Variants in GARNL3 observed in about 807,000 individuals in gnomAD.
GARNL3 encodes GTPase-activating Rap/Ran-GAP domain-like protein 3.
GARNL3 carries 63 observed loss-of-function variants against 125.0 expected under a neutral mutation model. The ratio of observed to expected loss-of-function variants is 0.50; its 90% CI spans 0.41 to 0.62. The LOEUF (loss-of-function observed/expected upper bound fraction) is 0.62, where lower values mean the gene tolerates loss of function less well. Ranked by LOEUF, GARNL3 falls within the 20% of genes least tolerant of loss-of-function variation. GARNL3 has a pLI of 0.00. For missense variants in GARNL3, 994 were observed against 1,244.0 expected (o/e 0.80, Z 3.02); for synonymous variants, 439 against 457.5 (o/e 0.96, Z 0.52).
chr9:127,325,579 T>C (rs1477416256), intron 7 of GARNL3, among the ~76,000 whole-genome samples: 1 of 152,230 alleles, frequency 6.6e-6, no homozygotes, highest in Non-Finnish European at 1.5e-5. Context: ...ATGGTTTATG[T>C]ATCTTATCCC....
At chr9:127,390,563 C>T in intron 26 of GARNL3, 78 bp from the exon 27 acceptor site, 1 of 1,391,954 alleles carries the variant, frequency 7.2e-7, no homozygotes, top group Non-Finnish European at 9.9e-7. Flanking sequence ...AGTTCCCAAC[C>T]AAGAAAAAAT....
chr9:127,302,934 G>A (rs556990297), intron 2 of GARNL3, among the ~76,000 whole-genome samples: 1 of 152,228 alleles, frequency 6.6e-6, no homozygotes, highest in Non-Finnish European at 1.5e-5. Flanking sequence ...GGTGGATCAC[G>A]AGGTCAGGAG....
intron 1 of GARNL3, among the ~76,000 whole-genome samples, chr9:127,236,491 C>T (rs1353485430): frequency 6.6e-6 from 1 of 152,198 alleles, no homozygotes; most frequent in Non-Finnish European, 1.5e-5. Flanking sequence ...CTAGACCAGA[C>T]AGTCCGGAGC....
intron 1 of GARNL3, among the ~76,000 whole-genome samples, chr9:127,271,409 T>G (rs948418917): frequency 1.3e-5 from 2 of 150,360 alleles, no homozygotes; most frequent in Non-Finnish European, 2.9e-5. Flanking sequence ...GAGAGTGGCC[T>G]AACCCATCAA....
At chr9:127,233,012 C>T (rs2063046950) in intron 1 of GARNL3, among the ~76,000 whole-genome samples, 1 of 152,084 alleles carries the variant, frequency 6.6e-6, no homozygotes, top group Non-Finnish European at 1.5e-5. Flanking sequence ...ATGATTATAC[C>T]ACTGCACTCC....
rs1050540108 is a variant in GARNL3 at position 127,382,469 on chromosome 9, G to C, written c.2162-969G>C. The stretch of plus-strand genomic sequence containing the variant: ...CTCTACTGAAAAAAAAAAATTAGCT[G>C]GGTGTGCTGGTGTGCACCTGTAGCC... On this transcript the variant is annotated intron_variant, in intron 22 of 27. Coordinates refer to ENST00000373387, the MANE Select transcript of GARNL3 (RefSeq NM_032293.5). 2.0e-5 allele frequency among the ~76,000 whole-genome samples: 3 copies of C among 151,956 alleles called. No homozygotes were observed. In the East Asian group the frequency reaches 5.8e-4, roughly 29 times the overall value.
At position 127,387,277 on chromosome 9, in the gene GARNL3, C is replaced by T. The variant is rs1279497677; in HGVS notation, c.2473C>T (p.Pro825Ser). Residue 825 changes from proline to serine, a missense_variant, in exon 25 of 28, where the codon CCT becomes TCT. Around this residue, in one of 5 missense-constraint regions of GARNL3, gnomAD observed 728 missense variants for 865.7 expected, o/e 0.84. Coordinates refer to ENST00000373387, the MANE Select transcript of GARNL3 (RefSeq NM_032293.5). Reference sequence around the variant, plus strand: ...CAAGGGGGCCAGTGCCCGAAATTCTCCTCAGACACCCCCGGGCCGAGATAC... The same window carrying T: ...CAAGGGGGCCAGTGCCCGAAATTCTTCTCAGACACCCCCGGGCCGAGATAC... ...SSKGASARNSPQTPPGRDTPV... is the reference protein window; with the variant it reads ...SSKGASARNSSQTPPGRDTPV... 1 of 1,614,178 alleles carries T rather than the reference C, an allele frequency of 6.2e-7. No individual in the cohort carries two copies. The highest frequency in any genetic ancestry group is 8.5e-7 in the Non-Finnish European group (1 of 1,180,002).
chr9:127,229,397 G>T (rs2131126159), intron 1 of GARNL3, among the ~76,000 whole-genome samples: 1 of 152,312 alleles, frequency 6.6e-6, no homozygotes, highest in South Asian at 2.1e-4. Context: ...TGCTTCAGAG[G>T]CAACAGCGCC....
chr9:127,357,494 TC>T, intron 21 of GARNL3, 117 bp downstream of exon 21: 9 of 964,900 alleles, frequency 9.3e-6, no homozygotes, highest in Non-Finnish European at 1.4e-5. Flanking sequence ...ATTCATCACA[TC>T]AGTATTATGT....
intron 22 of GARNL3, among the ~76,000 whole-genome samples, chr9:127,381,057 T>C (rs895484305): frequency 6.6e-6 from 1 of 152,186 alleles, no homozygotes; most frequent in Non-Finnish European, 1.5e-5. Context: ...TTTTGTATTT[T>C]TGGTAGAGAT....
intron 6 of GARNL3, among the ~76,000 whole-genome samples, chr9:127,324,369 C>A (rs1337020158): frequency 1.3e-5 from 2 of 152,148 alleles, no homozygotes; most frequent in Non-Finnish European, 2.9e-5. Context: ...TTCAGAATTG[C>A]CATGTCTCCA....
At chr9:127,375,358 C>T (rs1831840192) in intron 22 of GARNL3, among the ~76,000 whole-genome samples, 1 of 151,362 alleles carries the variant, frequency 6.6e-6, no homozygotes, top group African/African-American at 2.4e-5. Flanking sequence ...TCTAGCTACT[C>T]AGGAGGCTGA....
chr9:127,321,294 G>A lies in GARNL3; in HGVS notation c.567+516G>A, dbSNP rs568843623. ...TTACAGGTACCTGCCACCGTGCCCA[G>A]CTAATTTAGTAGAGATGGGGTTTCA... On this transcript the variant is annotated intron_variant, in intron 6 of 27. Coordinates refer to ENST00000373387, the MANE Select transcript of GARNL3 (RefSeq NM_032293.5). Among the ~76,000 whole-genome samples, 5 of 152,212 alleles carry A rather than the reference G, an allele frequency of 3.3e-5. No homozygotes were observed. The South Asian group carries it at 1.0e-3, about 32-fold the overall frequency.
At chr9:127,369,349 C>T (rs1406135610) in intron 22 of GARNL3, among the ~76,000 whole-genome samples, 1 of 152,192 alleles carries the variant, frequency 6.6e-6, no homozygotes, top group Non-Finnish European at 1.5e-5. Flanking sequence ...TGGAGATGCC[C>T]AGTGACCTGG....
chr9:127,306,923 A>G (rs72766232), intron 2 of GARNL3, among the ~76,000 whole-genome samples: 1 of 152,148 alleles, frequency 6.6e-6, no homozygotes, highest in Non-Finnish European at 1.5e-5. Context: ...ATTATAATAC[A>G]TTAAATAATG....
At position 127,353,855 on chromosome 9, in the gene GARNL3, C is replaced by T. The variant is rs1830537646; in HGVS notation, c.1553C>T (p.Pro518Leu). ...AGGTTTCCTTTTCCAGATGACCTTC[C>T]ATCAGTGCCCGTGTTTGACAGAACT... is the stretch of plus-strand genomic sequence containing the variant. ...AGVLLVDDDL[P>L]SVPVFDRTLP... The change falls in exon 18 of 28, where the codon CCA (proline) becomes CTA (leucine). Residue 518 changes from proline to leucine, a missense_variant. Coordinates refer to ENST00000373387, the MANE Select transcript of GARNL3 (RefSeq NM_032293.5). 6.2e-7 allele frequency: 1 copy of T among 1,611,336 alleles called. No homozygotes were observed. The highest frequency in any genetic ancestry group is 1.3e-5 in the African/African-American group (1 of 74,866).
At chr9:127,281,974 A>G (rs1164319843) in intron 1 of GARNL3, among the ~76,000 whole-genome samples, 1 of 152,252 alleles carries the variant, frequency 6.6e-6, no homozygotes, top group Non-Finnish European at 1.5e-5. Flanking sequence ...ATCTTCCAGA[A>G]TAAATTGCAT....
intron 7 of GARNL3, among the ~76,000 whole-genome samples, chr9:127,325,806 A>G (rs1364804187): frequency 2.0e-5 from 3 of 152,166 alleles, no homozygotes; most frequent in Non-Finnish European, 4.4e-5. Flanking sequence ...TGGGCTCTGC[A>G]GACTCTCCTA....
At chr9:127,329,495 A>C (rs1829090380) in intron 7 of GARNL3, among the ~76,000 whole-genome samples, 1 of 152,122 alleles carries the variant, frequency 6.6e-6, no homozygotes, top group South Asian at 2.1e-4. Flanking sequence ...ATAACTTGTG[A>C]TGAAGACTTG....
Sources: allele counts gnomAD v4.1 joint callset (sites outside exome capture counted in the v4.1 genomes callset), GRCh38; gene constraint gnomAD v4.1.1; regional missense constraint gnomAD v4.1.1; transcripts MANE v1.5; gene names NCBI Gene and HGNC (gene_info 2026-07-23, HGNC 2026-07-21).